CDK14: variants seen among roughly 807,000 people sequenced by gnomAD.
The protein encoded by CDK14 is cyclin-dependent kinase 14.
Under a neutral mutation model 60.7 loss-of-function variants are expected in CDK14, and 34 were observed. The ratio of observed to expected loss-of-function variants is 0.56; its 90% CI spans 0.43 to 0.75. The LOEUF is 0.75. CDK14 is among the 30% of genes least tolerant of loss of function. The pLI is 0.00. For missense variants in CDK14, 482 were observed against 564.1 expected, an observed-to-expected ratio of 0.85 and a Z score of 1.47; for synonymous variants, 197 against 203.7, an observed-to-expected ratio of 0.97 and a Z score of 0.28.
At chr7:90,799,453 G>A (rs959144037) in intron 5 of CDK14, among the ~76,000 whole-genome samples, 18 of 151,840 alleles carry the variant, frequency 1.2e-4, no homozygotes, top group African/African-American at 3.1e-4. Context: ...TTTGGGAGGC[G>A]GAGGCAGGCG....
chr7:90,827,763 C>A (rs147991241), intron 5 of CDK14, among the ~76,000 whole-genome samples: 1 of 152,164 alleles, frequency 6.6e-6, no homozygotes, highest in African/African-American at 2.4e-5. Context: ...CCCAGAAACA[C>A]TTTTAAAATG....
chr7:91,001,521 A>G (rs1319897692), intron 10 of CDK14, among the ~76,000 whole-genome samples: 1 of 152,360 alleles, frequency 6.6e-6, no homozygotes, highest in East Asian at 1.9e-4. Context: ...GAAATACAAT[A>G]TGAAGCTTCC....
chr7:90,601,105 G>C (rs1322792305), intron 1 of CDK14, among the ~76,000 whole-genome samples: 1 of 152,254 alleles, frequency 6.6e-6, no homozygotes, highest in Non-Finnish European at 1.5e-5. Flanking sequence ...AAGCTTTCTA[G>C]AGGAAGGACT....
chr7:90,645,965 G>A (rs1800455923), intron 2 of CDK14, among the ~76,000 whole-genome samples: 1 of 152,216 alleles, frequency 6.6e-6, no homozygotes, highest in African/African-American at 2.4e-5. Flanking sequence ...GATTTGGTCA[G>A]TGGAGAAGAA....
intron 2 of CDK14, among the ~76,000 whole-genome samples, chr7:90,624,122 T>C (rs1187126152): frequency 6.6e-6 from 1 of 152,168 alleles, no homozygotes; most frequent in African/African-American, 2.4e-5. Context: ...AGGTGGAAAT[T>C]GTACTCAGGG....
At chr7:90,740,965 C>T (rs1009813658) in intron 3 of CDK14, among the ~76,000 whole-genome samples, 19 of 151,964 alleles carry the variant, frequency 1.3e-4, no homozygotes, top group African/African-American at 4.1e-4. Context: ...TAAATGATGC[C>T]GACAGTGTTA....
intron 11 of CDK14, among the ~76,000 whole-genome samples, chr7:91,047,095 T>A (rs1476494967): frequency 6.6e-6 from 1 of 152,206 alleles, no homozygotes; most frequent in Non-Finnish European, 1.5e-5. Context: ...ACTTTCTTTT[T>A]TAAGCAACTA....
chr7:90,598,026 A>G (rs903107814), intron 1 of CDK14, among the ~76,000 whole-genome samples: 1 of 152,252 alleles, frequency 6.6e-6, no homozygotes, highest in Non-Finnish European at 1.5e-5. Flanking sequence ...GTTTGAAGCC[A>G]AGAAGAGTGT....
At chr7:90,709,801 C>T (rs1292965127) in intron 2 of CDK14, 30 of 1,427,580 alleles carry the variant, frequency 2.1e-5, no homozygotes, top group Non-Finnish European at 2.7e-5. Flanking sequence ...ATGCATCCCC[C>T]TCTCTTGGTT....
At chr7:91,004,342 A>G (rs1795922467) in intron 10 of CDK14, among the ~76,000 whole-genome samples, 1 of 152,240 alleles carries the variant, frequency 6.6e-6, no homozygotes, top group South Asian at 2.1e-4. Flanking sequence ...GAACATTGTG[A>G]ATAAATATAT....
intron 2 of CDK14, among the ~76,000 whole-genome samples, chr7:90,689,938 T>C (rs928784800): frequency 2.0e-5 from 3 of 151,970 alleles, no homozygotes; most frequent in Admixed American, 6.6e-5. Context: ...TATTGGGCTT[T>C]GAGAAAATTT....
At chr7:90,674,483 A>G (rs1801159291) in intron 2 of CDK14, among the ~76,000 whole-genome samples, 1 of 152,230 alleles carries the variant, frequency 6.6e-6, no homozygotes, top group African/African-American at 2.4e-5. Context: ...GAATTTCTGC[A>G]GATGTAGATA....
In CDK14 at chr7:90,970,176, G is replaced by A. The variant is rs577462816; in HGVS notation, c.948-13972G>A. On this transcript the variant is annotated intron_variant, in intron 9 of 14. Coordinates refer to ENST00000380050, the MANE Select transcript of CDK14 (RefSeq NM_001287135.2). ...AGACAGGGCTTCACCATGTTGGCCA[G>A]GCTGGTGTTGAACTCCTGACCTCAG... Among the ~76,000 whole-genome samples the A allele has an allele frequency of 2.0e-5, 3 of 152,180 alleles. No homozygotes were observed. In the East Asian group the frequency reaches 5.8e-4, roughly 29 times the overall value.
chr7:90,895,118 G>A (rs1476491482), intron 6 of CDK14, among the ~76,000 whole-genome samples: 1 of 151,994 alleles, frequency 6.6e-6, no homozygotes, highest in Non-Finnish European at 1.5e-5. Flanking sequence ...AAGATTCGGA[G>A]CATTTTTTAT....
chr7:90,958,217 A>AT (rs1338852431), intron 9 of CDK14, among the ~76,000 whole-genome samples: 5 of 152,030 alleles, frequency 3.3e-5, no homozygotes, highest in South Asian at 2.1e-4. Flanking sequence ...CACAGTGCAG[A>AT]TTTTTTTATG....
chr7:90,764,279 G>A (rs1804447978), intron 4 of CDK14, among the ~76,000 whole-genome samples: 2 of 152,162 alleles, frequency 1.3e-5, no homozygotes, highest in African/African-American at 4.8e-5. Context: ...AAATTCAAAT[G>A]ACCTACTCAG....
intron 9 of CDK14, among the ~76,000 whole-genome samples, chr7:90,968,051 T>C (rs1454921171): frequency 6.6e-6 from 1 of 152,254 alleles, no homozygotes; most frequent in African/African-American, 2.4e-5. Context: ...AATTAATTCT[T>C]CAGTACTGCA....
At chr7:90,870,640 C>G (rs1791341176) in intron 6 of CDK14, among the ~76,000 whole-genome samples, 1 of 152,088 alleles carries the variant, frequency 6.6e-6, no homozygotes, top group Non-Finnish European at 1.5e-5. Context: ...GATTCATTAT[C>G]TAGTCCCAGA....
In CDK14 at chr7:90,747,802, C is replaced by T. The variant is rs758831612; in HGVS notation, c.464+27C>T. ...TAAGTTCATTATTTTTGGAATATTT[C>T]ACATGTACAGTGTATCTGCCCTCTT... On this transcript the variant is annotated intron_variant, in intron 4 of 14. Coordinates refer to ENST00000380050, the MANE Select transcript of CDK14 (RefSeq NM_001287135.2). 3.9e-6 allele frequency: 5 copies of T among 1,272,934 alleles called. No individual in the cohort carries two copies. The South Asian group carries it at 5.7e-5, about 14-fold the overall frequency. 78.9% of individuals were successfully genotyped at this position (1,272,934 alleles called of 1,614,324 possible). A position where few individuals can be genotyped will look rare whatever the true frequency, so the allele number is the denominator to read the frequency against.
Sources: gnomAD v4.1 joint callset for allele counts (sites outside exome capture counted in the v4.1 genomes callset) on GRCh38, gnomAD v4.1.1 for gene constraint, MANE v1.5 for transcripts, NCBI Gene and HGNC (gene_info 2026-07-23, HGNC 2026-07-21) for gene names.